Variants in ADAMTS17 observed in about 807,000 individuals in gnomAD.
ADAMTS17 encodes A disintegrin and metalloproteinase with thrombospondin motifs 17.
ADAMTS17 carries 113 observed loss-of-function variants against 141.5 expected under a neutral mutation model. That is an observed-to-expected ratio of 0.80 (90% CI 0.69 to 0.93). ADAMTS17 has a LOEUF of 0.93. ADAMTS17 is among the 40% of genes least tolerant of loss of function. The probability of loss-of-function intolerance (pLI) is 0.00; values close to 1 mark genes in which losing one functional copy is unlikely to be tolerated. For missense variants in ADAMTS17, 1,659 were observed against 1,517.9 expected (o/e 1.09, Z -1.54); for synonymous variants, 768 against 630.6 (o/e 1.22, Z -3.27).
At chr15:100,318,407 G>C (rs191527552) in intron 3 of ADAMTS17, among the ~76,000 whole-genome samples, 150 of 152,174 alleles carry the variant, frequency 9.9e-4, no homozygotes, top group African/African-American at 3.5e-3. Flanking sequence ...TAGGTCATGA[G>C]GGTGGGGCCC....
At chr15:100,224,835 G>T (rs2042246363) in intron 7 of ADAMTS17, among the ~76,000 whole-genome samples, 1 of 152,228 alleles carries the variant, frequency 6.6e-6, no homozygotes, top group African/African-American at 2.4e-5. Flanking sequence ...CCTACTCTTT[G>T]TCAAAACAGG....
intron 7 of ADAMTS17, among the ~76,000 whole-genome samples, chr15:100,228,897 G>T (rs1485087591): frequency 1.3e-5 from 2 of 152,326 alleles, no homozygotes; most frequent in East Asian, 3.9e-4. Context: ...AGTGTCACCT[G>T]CCTCTACGAG....
chr15:100,148,648 GA>G (rs1219980391), intron 10 of ADAMTS17, among the ~76,000 whole-genome samples: 10 of 151,658 alleles, frequency 6.6e-5, no homozygotes, highest in Non-Finnish European at 1.3e-4. Context: ...CTGGCTCCTT[GA>G]AGATTTTCTC....
At chr15:99,980,978 G>A (rs1029315176) in intron 20 of ADAMTS17, among the ~76,000 whole-genome samples, 4 of 152,198 alleles carry the variant, frequency 2.6e-5, no homozygotes, top group Admixed American at 1.3e-4. Context: ...AGGCCTCCAC[G>A]GCAGCACGGA....
chr15:100,242,264 C>A (rs1222156099), intron 7 of ADAMTS17, among the ~76,000 whole-genome samples: 1 of 152,182 alleles, frequency 6.6e-6, no homozygotes, highest in Non-Finnish European at 1.5e-5. Context: ...AGCGGCCGAG[C>A]AGTCACTGGG....
intron 4 of ADAMTS17, among the ~76,000 whole-genome samples, chr15:100,280,430 C>T (rs2044241928): frequency 1.3e-5 from 2 of 152,296 alleles, no homozygotes; most frequent in Non-Finnish European, 2.9e-5. Context: ...CTCCACAACA[C>T]TGCTTCCCAT....
intron 12 of ADAMTS17, chr15:100,128,935 T>G (rs190458113): frequency 6.6e-6 from 1 of 152,264 alleles, no homozygotes; most frequent in East Asian, 1.9e-4. Flanking sequence ...GGGCTACCAA[T>G]GCCAGGGAAG....
At position 100,242,847 on chromosome 15, in the gene ADAMTS17, T is replaced by C. The variant is rs1387371364; in HGVS notation, c.1075+11289A>G. 3.3e-5 allele frequency among the ~76,000 whole-genome samples: 5 copies of C among 152,324 alleles called. No individual in the cohort carries two copies. The East Asian group carries it at 7.7e-4, about 24-fold the overall frequency. On this transcript the variant is annotated intron_variant, in intron 7 of 21. Transcript: ENST00000268070. ...AGTATACATAACATAAAATGTACCATTTTACCTATTTTAAGTGTACGGTTC... is the reference window on the plus strand; with the variant it reads ...AGTATACATAACATAAAATGTACCACTTTACCTATTTTAAGTGTACGGTTC...
intron 8 of ADAMTS17, among the ~76,000 whole-genome samples, chr15:100,180,792 C>A (rs557215821): frequency 6.6e-6 from 1 of 152,156 alleles, no homozygotes; most frequent in Non-Finnish European, 1.5e-5. Context: ...AATGGGATTA[C>A]CCAAGGCCTG....
intron 20 of ADAMTS17, among the ~76,000 whole-genome samples, chr15:99,990,418 C>G (rs1308334854): frequency 6.6e-6 from 1 of 152,130 alleles, no homozygotes; most frequent in East Asian, 1.9e-4. Flanking sequence ...CCATACTAAG[C>G]TTTATTAACA....
intron 4 of ADAMTS17, among the ~76,000 whole-genome samples, chr15:100,272,997 T>C (rs2043967342): frequency 6.6e-6 from 1 of 152,156 alleles, no homozygotes; most frequent in Admixed American, 6.5e-5. Flanking sequence ...ACTTTTTTTA[T>C]TGATTTGCCT....
intron 15 of ADAMTS17, among the ~76,000 whole-genome samples, chr15:100,086,078 C>T (rs2035080397): frequency 6.6e-6 from 1 of 151,790 alleles, no homozygotes. Context: ...CAAGACCCAT[C>T]AGTGTGCTGT....
At chr15:100,331,906 C>A (rs541271896) in intron 2 of ADAMTS17, among the ~76,000 whole-genome samples, 2 of 152,152 alleles carry the variant, frequency 1.3e-5, no homozygotes, top group Non-Finnish European at 2.9e-5. Context: ...CTTGGAGAAA[C>A]AGCACTCCCC....
In ADAMTS17 at chr15:100,324,230, G is replaced by A. The variant is rs529801058; in HGVS notation, c.616+6659C>T. On this transcript the variant is annotated intron_variant, in intron 3 of 21. Transcript: ENST00000268070. ...TGAGGCAGGAGAATCACTTGAACCC[G>A]GGAGACAGATTTTGCAGTGAGCCGA... 2.0e-4 allele frequency among the ~76,000 whole-genome samples: 30 copies of A among 152,020 alleles called. 1 individual carries two copies. In the East Asian group the frequency reaches 5.2e-3, roughly 26 times the overall value.
intron 15 of ADAMTS17, among the ~76,000 whole-genome samples, chr15:100,066,090 G>A (rs1431384641): frequency 6.6e-6 from 1 of 152,148 alleles, no homozygotes; most frequent in Non-Finnish European, 1.5e-5. Flanking sequence ...ATTCCATGGT[G>A]TACATGTGCC....
At position 100,325,937 on chromosome 15, in the gene ADAMTS17, C is replaced by T. The variant is rs557377516; in HGVS notation, c.616+4952G>A. Among the ~76,000 whole-genome samples the T allele has an allele frequency of 5.9e-5, 9 of 152,282 alleles. No homozygotes were observed. The South Asian group carries it at 8.3e-4, about 14-fold the overall frequency. On this transcript the variant is annotated intron_variant, in intron 3 of 21. Coordinates refer to ENST00000268070, the MANE Select transcript of ADAMTS17 (RefSeq NM_139057.4). ...CCTCAGAAGGAACCAACCCTGTCAA[C>T]GCCTTGATCCCACACTTTTGGCCTC...
At chr15:100,315,631 T>G (rs2045541197) in intron 3 of ADAMTS17, among the ~76,000 whole-genome samples, 1 of 151,606 alleles carries the variant, frequency 6.6e-6, no homozygotes. Flanking sequence ...AGTCCAGGAG[T>G]TTGCCACCAG....
intron 7 of ADAMTS17, among the ~76,000 whole-genome samples, chr15:100,213,808 C>T (rs944304564): frequency 6.6e-6 from 1 of 152,248 alleles, no homozygotes; most frequent in Non-Finnish European, 1.5e-5. Flanking sequence ...CTCTCCTGCA[C>T]CTGGGAGCAC....
chr15:100,330,506 G>A (rs2046018426), intron 3 of ADAMTS17, among the ~76,000 whole-genome samples: 1 of 152,210 alleles, frequency 6.6e-6, no homozygotes, highest in Non-Finnish European at 1.5e-5. Context: ...GCCCCAGGTG[G>A]CTTTAGTTAC....
Sources: allele counts gnomAD v4.1 joint callset (sites outside exome capture counted in the v4.1 genomes callset), GRCh38; gene constraint gnomAD v4.1.1; transcripts MANE v1.5; gene names NCBI Gene and HGNC (gene_info 2026-07-23, HGNC 2026-07-21).